Variants in ARL15 observed in about 807,000 individuals in gnomAD.
ARL15 encodes the protein ADP-ribosylation factor-like protein 15.
Under a neutral mutation model 25.2 loss-of-function variants are expected in ARL15, and 19 were observed. The observed-to-expected ratio is 0.75, with a 90% CI of 0.53 to 1.10. ARL15 has a LOEUF of 1.10. Among genes scored for constraint, ARL15 ranks in the 50% least tolerant of loss-of-function variants. The probability of loss-of-function intolerance (pLI) is 0.00; values close to 1 mark genes in which losing one functional copy is unlikely to be tolerated. For synonymous variants in ARL15, 94 were observed against 86.8 expected (o/e 1.08, Z -0.46); for missense variants, 220 against 246.0 (o/e 0.89, Z 0.71).
At chr5:54,206,603 T>C (rs191612224) in intron 1 of ARL15, among the ~76,000 whole-genome samples, 81 of 152,220 alleles carry the variant, frequency 5.3e-4, no homozygotes, top group East Asian at 3.9e-4. Flanking sequence ...ACAAAAAATA[T>C]CTTAGCTGAA....
chr5:54,271,733 G>T (rs1018078869), intron 1 of ARL15, among the ~76,000 whole-genome samples: 3 of 151,988 alleles, frequency 2.0e-5, no homozygotes, highest in Non-Finnish European at 4.4e-5. Context: ...ATGCAGACTG[G>T]TCCTCCACAG....
chr5:54,297,757 A>G (rs1408865041), intron 1 of ARL15, among the ~76,000 whole-genome samples: 2 of 152,092 alleles, frequency 1.3e-5, no homozygotes, highest in Non-Finnish European at 2.9e-5. Flanking sequence ...GTTCAGCCTC[A>G]TCAAGACCAC....
intron 4 of ARL15, among the ~76,000 whole-genome samples, chr5:54,000,518 T>C (rs1748817953): frequency 6.6e-6 from 1 of 152,200 alleles, no homozygotes; most frequent in Admixed American, 6.5e-5. Context: ...TGTAGAAAGA[T>C]GTGTCATAAA....
At chr5:53,991,389 A>C (rs1664799) in intron 4 of ARL15, among the ~76,000 whole-genome samples, 66,760 of 151,488 alleles carry the variant, frequency 0.44, 15,071 homozygotes, top group Middle Eastern at 0.55. Flanking sequence ...TAAAAATACA[A>C]AAATTAGCCA....
chr5:54,047,663 G>A (rs913451940), intron 4 of ARL15, among the ~76,000 whole-genome samples: 5 of 152,122 alleles, frequency 3.3e-5, no homozygotes, highest in South Asian at 2.1e-4. Context: ...TTGAAAGAAC[G>A]GATGGAAAGA....
chr5:54,300,365 CA>C (rs1758585091), intron 1 of ARL15, among the ~76,000 whole-genome samples: 1 of 152,180 alleles, frequency 6.6e-6, no homozygotes, highest in Non-Finnish European at 1.5e-5. Flanking sequence ...AGAGATGCCC[CA>C]GGGGGCCACC....
At chr5:54,253,907 G>C (rs575960097) in intron 1 of ARL15, among the ~76,000 whole-genome samples, 1 of 152,232 alleles carries the variant, frequency 6.6e-6, no homozygotes, top group Admixed American at 6.5e-5. Flanking sequence ...TACATTATAA[G>C]TACCTACATA....
At chr5:54,258,853 G>A (rs1440101246) in intron 1 of ARL15, among the ~76,000 whole-genome samples, 4 of 152,202 alleles carry the variant, frequency 2.6e-5, no homozygotes, top group East Asian at 1.9e-4. Context: ...GTGGGGAAAC[G>A]GGGGCAGTGT....
chr5:54,134,352 C>T (rs157071), intron 3 of ARL15, among the ~76,000 whole-genome samples: 1 of 151,990 alleles, frequency 6.6e-6, no homozygotes. Context: ...GGCAGTAGTT[C>T]GGTAGCTTTG....
intron 4 of ARL15, among the ~76,000 whole-genome samples, chr5:53,927,834 G>A (rs549859504): frequency 9.9e-5 from 15 of 152,258 alleles, no homozygotes; most frequent in African/African-American, 3.1e-4. Context: ...TAGGGAAGTG[G>A]TCTCTGGACT....
intron 4 of ARL15, among the ~76,000 whole-genome samples, chr5:53,942,998 G>C (rs697092): frequency 0.3 from 46,338 of 151,964 alleles, 8,379 homozygotes; most frequent in Admixed American, 0.41. Context: ...GAAAATGGGA[G>C]GGGAGGAAAT....
intron 1 of ARL15, among the ~76,000 whole-genome samples, chr5:54,253,573 T>C (rs11956762): frequency 0.39 from 60,049 of 152,044 alleles, 14,633 homozygotes; most frequent in Non-Finnish European, 0.54. Flanking sequence ...GTTAGTTATG[T>C]AATTGACTTA....
chr5:54,113,530 T>A, intron 3 of ARL15, 120 bp from the exon 4 acceptor site: 1 of 902,434 alleles, frequency 1.1e-6, no homozygotes, highest in Non-Finnish European at 1.6e-6. Context: ...CTAAACTCTG[T>A]GGTATGGATT....
chr5:54,310,308 G>C (rs140947329), intron 1 of ARL15, 124 bp downstream of exon 1: 11 of 1,124,178 alleles, frequency 9.8e-6, no homozygotes, highest in East Asian at 2.6e-5. Flanking sequence ...CCGGCTGCGG[G>C]AGAAAGAACC....
intron 2 of ARL15, among the ~76,000 whole-genome samples, chr5:54,163,384 T>G (rs934303658): frequency 3.9e-5 from 5 of 128,082 alleles, no homozygotes; most frequent in East Asian, 2.2e-4. Context: ...TTTTTTTTTT[T>G]TTTTTTTTTT....
intron 1 of ARL15, among the ~76,000 whole-genome samples, chr5:54,186,791 T>A (rs568329348): frequency 6.6e-6 from 1 of 152,200 alleles, no homozygotes; most frequent in East Asian, 1.9e-4. Flanking sequence ...ATATACAGAT[T>A]CATGAAGATA....
intron 3 of ARL15, among the ~76,000 whole-genome samples, chr5:54,128,248 A>G (rs1753320970): frequency 6.6e-6 from 1 of 152,166 alleles, no homozygotes. Flanking sequence ...ATCCATTGTG[A>G]TCCTGCAGCA....
At chr5:54,195,665 T>A (rs1352612930) in intron 1 of ARL15, among the ~76,000 whole-genome samples, 2 of 152,130 alleles carry the variant, frequency 1.3e-5, no homozygotes, top group South Asian at 4.1e-4. Context: ...TATTCAACCC[T>A]CCTAGAGATG....
intron 1 of ARL15, among the ~76,000 whole-genome samples, chr5:54,232,992 T>G (rs1159481002): frequency 6.6e-6 from 1 of 152,236 alleles, no homozygotes. Flanking sequence ...ATTATTTACC[T>G]CTTGCATTGT....
Sources: gnomAD v4.1 joint callset for allele counts (sites outside exome capture counted in the v4.1 genomes callset) on GRCh38, gnomAD v4.1.1 for gene constraint, MANE v1.5 for transcripts, NCBI Gene and HGNC (gene_info 2026-07-23, HGNC 2026-07-21) for gene names.